VAPA: variants seen among roughly 807,000 people sequenced by gnomAD.
VAPA encodes vesicle-associated membrane protein-associated protein A.
A neutral mutation model predicts 25.6 loss-of-function variants in VAPA; 6 were observed. That is an observed-to-expected ratio of 0.23 (90% CI 0.13 to 0.46). The LOEUF (loss-of-function observed/expected upper bound fraction) is 0.46, where lower values mean the gene tolerates loss of function less well. VAPA is among the 20% of genes least tolerant of loss of function. The pLI, the probability that VAPA is intolerant of heterozygous loss-of-function variation, is 0.99. For synonymous variants in VAPA, 112 were observed against 106.2 expected, an observed-to-expected ratio of 1.05 and a Z score of -0.34; for missense variants, 244 against 302.1, an observed-to-expected ratio of 0.81 and a Z score of 1.43.
In VAPA at chr18:9,955,513, C is replaced by A. The variant is rs1459254298; in HGVS notation, c.*1302C>A. ...AATAGATCCAGTGTTTAGCTACATA[C>A]AATCTAGTACAAGTGAATTTTTATT... On this transcript the variant is annotated 3_prime_UTR_variant, in exon 6 of 6. Coordinates refer to ENST00000400000, the MANE Select transcript of VAPA (RefSeq NM_194434.3). The A allele has an allele frequency of 6.6e-6, 1 of 152,148 alleles. No individual in the cohort carries two copies. Among genetic ancestry groups the A allele is most frequent in the Admixed American group, 6.5e-5 (1 of 15,286 alleles). 9.4% of individuals were successfully genotyped at this position (152,148 alleles called of 1,614,324 possible).
intron 1 of VAPA, among the ~76,000 whole-genome samples, chr18:9,916,758 C>T (rs558634581): frequency 2.8e-4 from 43 of 152,246 alleles, no homozygotes; most frequent in African/African-American, 8.2e-4. Flanking sequence ...ACTGACTTAC[C>T]CTAAGTCATT....
chr18:9,935,112 A>AC lies in VAPA; in HGVS notation c.233-998_233-997insC, dbSNP rs1203451681. Among the ~76,000 whole-genome samples the AC allele has an allele frequency of 6.6e-5, 10 of 151,656 alleles. 1 individual carries two copies. Among genetic ancestry groups the AC allele is most frequent in the Admixed American group, 2.6e-4 (4 of 15,232 alleles). On this transcript the variant is annotated intron_variant, in intron 2 of 5. Transcript: ENST00000400000. ...TCCGTCTCAAAAAAAAAAAAAAAAA[A>AC]ACTTAAAAATTTTGAATGTTATTGA...
intron 1 of VAPA, among the ~76,000 whole-genome samples, chr18:9,930,788 C>T (rs1324241921): frequency 6.6e-6 from 1 of 151,442 alleles, no homozygotes; most frequent in Non-Finnish European, 1.5e-5. Flanking sequence ...TTCTAATTTT[C>T]ACTCATTTTT....
At chr18:9,950,714 C>T (rs2069481224) in intron 5 of VAPA, 146 bp downstream of exon 5, 2 of 726,474 alleles carry the variant, frequency 2.8e-6, no homozygotes, top group African/African-American at 1.8e-5. Flanking sequence ...CCCCACCCTA[C>T]TCCTCTTTTA....
At chr18:9,931,687 A>T (rs977558431) in intron 1 of VAPA, 123 bp from the exon 2 acceptor site, 2 of 746,112 alleles carry the variant, frequency 2.7e-6, no homozygotes, top group South Asian at 2.5e-5. Flanking sequence ...GCCATTTGGG[A>T]TATTTATGCC....
intron 2 of VAPA, among the ~76,000 whole-genome samples, chr18:9,934,968 G>T (rs182281828): frequency 6.6e-6 from 1 of 151,824 alleles, no homozygotes; most frequent in South Asian, 2.1e-4. Flanking sequence ...GGTGGCAGGC[G>T]CCTGTAGTCC....
intron 2 of VAPA, among the ~76,000 whole-genome samples, chr18:9,934,231 G>A (rs925272380): frequency 5.9e-5 from 9 of 152,024 alleles, no homozygotes; most frequent in African/African-American, 2.2e-4. Context: ...TCCTTTTGAC[G>A]CTTTGTTTTT....
In VAPA at chr18:9,914,268, C is replaced by T. The variant is rs751105717; in HGVS notation, c.12C>T (p.Ala4=). Reference sequence around the variant, plus strand: ...GCGCTGTCTCTCCGATGGCGTCCGCCTCAGGGGCCATGGCGAAGCACGAGC... The same window carrying T: ...GCGCTGTCTCTCCGATGGCGTCCGCTTCAGGGGCCATGGCGAAGCACGAGC... MAS[A]SGAMAKHEQI... Residue 4 remains alanine, a synonymous_variant, in exon 1 of 6, where the codon GCC becomes GCT. Transcript: ENST00000400000. 13 of 1,585,524 alleles carry T rather than the reference C, an allele frequency of 8.2e-6. No homozygotes were observed. The East Asian group carries it at 3.0e-4, about 36-fold the overall frequency.
chr18:9,939,658 T>C (rs1296246343), intron 4 of VAPA, among the ~76,000 whole-genome samples: 1 of 152,118 alleles, frequency 6.6e-6, no homozygotes. Context: ...TGGTATTTCC[T>C]GTGATCGAAA....
intron 1 of VAPA, among the ~76,000 whole-genome samples, chr18:9,918,849 C>CA (rs2069133993): frequency 6.6e-6 from 1 of 152,170 alleles, no homozygotes; most frequent in Non-Finnish European, 1.5e-5. Context: ...ATTCTAAACT[C>CA]AAAATATCTC....
rs2069581741 is a variant in VAPA, at chr18:9,959,252, T to G, written c.*5041T>G. On this transcript the variant is annotated 3_prime_UTR_variant, in exon 6 of 6. Transcript: ENST00000400000. ...TCACAAACAGTAAGTATGGCAATTT[T>G]GTGATGCCTTTGATTCCACTTTACA... 1 of 152,234 alleles carries G rather than the reference T, an allele frequency of 6.6e-6. No individual in the cohort carries two copies. The highest frequency in any genetic ancestry group is 2.4e-5 in the African/African-American group (1 of 41,460). 9.4% of individuals were successfully genotyped at this position (152,234 alleles called of 1,614,324 possible). A position where few individuals can be genotyped will look rare whatever the true frequency, so the allele number is the denominator to read the frequency against.
chr18:9,953,940 C>T, intron 5 of VAPA, 113 bp from the exon 6 acceptor site: 1 of 1,332,350 alleles, frequency 7.5e-7, no homozygotes. Flanking sequence ...CTTTTCCGTC[C>T]CCAGCCATAG....
chr18:9,946,920 G>C (rs1479145510), intron 4 of VAPA, among the ~76,000 whole-genome samples: 1 of 152,128 alleles, frequency 6.6e-6, no homozygotes, highest in Admixed American at 6.5e-5. Context: ...CTTATTCGCT[G>C]CCTTTTTCTA....
intron 1 of VAPA, among the ~76,000 whole-genome samples, chr18:9,931,495 A>C (rs1026340391): frequency 6.6e-6 from 1 of 152,212 alleles, no homozygotes; most frequent in Non-Finnish European, 1.5e-5. Context: ...TGTTATTTTC[A>C]GCAACGTATT....
At position 9,950,468 on chromosome 18, in the gene VAPA, G is replaced by C. The variant is rs3025574; in HGVS notation, c.491G>C (p.Ser164Thr). ...KQDGPMPKPH[S>T]VSLNDTETRK... ...GATGGACCTATGCCAAAACCACACA[G>C]TGTTTCACTTAATGATACCGAAACA... Residue 164 changes from serine (S) to threonine (T), a missense_variant, in exon 5 of 6, where the codon AGT (serine) becomes ACT (threonine). Physicochemically the swap from Ser to Thr is moderately conservative, Grantham distance 58. Around this residue, in one of 2 missense-constraint regions of VAPA, gnomAD observed 145 missense variants for 140.6 expected, o/e 1.03. Coordinates refer to ENST00000400000, the MANE Select transcript of VAPA (RefSeq NM_194434.3). 6.2e-7 allele frequency: 1 copy of C among 1,614,120 alleles called. No homozygotes were observed. The highest frequency in any genetic ancestry group is 8.5e-7 in the Non-Finnish European group (1 of 1,180,006).
intron 4 of VAPA, chr18:9,944,922 A>C: frequency 1.2e-6 from 2 of 1,613,558 alleles, no homozygotes; most frequent in Non-Finnish European, 8.5e-7. Flanking sequence ...ATGCCATCTC[A>C]GGGTATAACT....
Position 9,950,414 on chromosome 18 carries a change from A to C in VAPA, c.437A>C (p.Lys146Thr). 6.2e-7 allele frequency: 1 copy of C among 1,613,722 alleles called. No homozygotes were observed. The highest frequency in any genetic ancestry group is 8.5e-7 in the Non-Finnish European group (1 of 1,179,904). Residue 146 changes from lysine to threonine, a missense_variant, in exon 5 of 6, where the codon AAA (lysine) becomes ACA (threonine). Physicochemically the swap from Lys to Thr is moderately conservative, Grantham distance 78. Transcript: ENST00000400000. ...NDKLNDMEPS[K>T]AVPLNASKQD... ...ATGCAGAATGATATGGAACCTAGCA[A>C]AGCTGTTCCACTGAATGCATCTAAG...
At chr18:9,945,004 T>C (rs779430685) in intron 4 of VAPA, 49 of 1,614,152 alleles carry the variant, frequency 3.0e-5, no homozygotes, top group Non-Finnish European at 4.0e-5. Flanking sequence ...CTGCCAGTTA[T>C]CACACGAAGG....
chr18:9,946,740 G>A (rs948090315), intron 4 of VAPA, among the ~76,000 whole-genome samples: 1 of 152,008 alleles, frequency 6.6e-6, no homozygotes, highest in African/African-American at 2.4e-5. Flanking sequence ...GAAGGCCTAG[G>A]ACATTACTGT....
Sources: allele counts gnomAD v4.1 joint callset (sites outside exome capture counted in the v4.1 genomes callset), GRCh38; gene constraint gnomAD v4.1.1; regional missense constraint gnomAD v4.1.1; transcripts MANE v1.5; gene names NCBI Gene and HGNC (gene_info 2026-07-23, HGNC 2026-07-21).